Variants in NPAS3 observed in about 807,000 individuals in gnomAD.
The protein encoded by NPAS3 is neuronal PAS domain-containing protein 3.
NPAS3 carries 14 observed loss-of-function variants against 73.1 expected under a neutral mutation model. That is an observed-to-expected ratio of 0.19 (90% CI 0.13 to 0.30). The LOEUF is 0.30. NPAS3 is among the 10% of genes least tolerant of loss of function. The pLI is 1.00. For missense variants in NPAS3, 1,096 were observed against 1,250.0 expected, an observed-to-expected ratio of 0.88 and a Z score of 1.86; for synonymous variants, 620 against 541.5, an observed-to-expected ratio of 1.14 and a Z score of -2.01.
At chr14:33,688,589 C>A (rs559483537) in intron 6 of NPAS3, among the ~76,000 whole-genome samples, 1 of 152,062 alleles carries the variant, frequency 6.6e-6, no homozygotes. Flanking sequence ...GGTAAATCTC[C>A]CAAAGGTTTC....
At chr14:33,705,689 G>T (rs2060638884) in intron 6 of NPAS3, among the ~76,000 whole-genome samples, 1 of 152,164 alleles carries the variant, frequency 6.6e-6, no homozygotes, top group Non-Finnish European at 1.5e-5. Context: ...TTGTCAATAT[G>T]TATCCAGGCT....
intron 3 of NPAS3, among the ~76,000 whole-genome samples, chr14:33,274,019 C>T (rs544498460): frequency 1.3e-5 from 2 of 152,268 alleles, no homozygotes; most frequent in African/African-American, 4.8e-5. Context: ...AATCGGACAG[C>T]CCCCTTTCCC....
intron 3 of NPAS3, among the ~76,000 whole-genome samples, chr14:33,336,944 T>C (rs1379562087): frequency 2.0e-5 from 3 of 152,188 alleles, no homozygotes; most frequent in Non-Finnish European, 2.9e-5. Context: ...CTTTGTCTTA[T>C]TCAATTACCA....
chr14:33,454,600 A>G (rs1380230990), intron 4 of NPAS3, among the ~76,000 whole-genome samples: 1 of 152,210 alleles, frequency 6.6e-6, no homozygotes, highest in African/African-American at 2.4e-5. Flanking sequence ...TATATGACAG[A>G]TCATTTTTGT....
chr14:33,560,518 G>A (rs1162129280), intron 5 of NPAS3: 5 of 228,932 alleles, frequency 2.2e-5, no homozygotes, highest in Non-Finnish European at 2.6e-5. Context: ...CCCAGTAGGA[G>A]AGGGACACAC....
chr14:33,797,831 G>C (rs2063557903), intron 11 of NPAS3, among the ~76,000 whole-genome samples: 1 of 150,606 alleles, frequency 6.6e-6, no homozygotes, highest in Non-Finnish European at 1.5e-5. Flanking sequence ...TGTAGTGCTG[G>C]ATAAATACAT....
intron 4 of NPAS3, among the ~76,000 whole-genome samples, chr14:33,558,959 C>A (rs554430950): frequency 2.0e-5 from 3 of 151,484 alleles, no homozygotes; most frequent in Non-Finnish European, 4.4e-5. Context: ...AAAAGACATG[C>A]GGATGACAGA....
intron 1 of NPAS3, among the ~76,000 whole-genome samples, chr14:32,978,834 A>G (rs1316571796): frequency 6.6e-6 from 1 of 152,222 alleles, no homozygotes; most frequent in Non-Finnish European, 1.5e-5. Context: ...TGACAGTGTC[A>G]GATAATGACT....
chr14:33,010,576 G>T (rs570260549), intron 1 of NPAS3, among the ~76,000 whole-genome samples: 2 of 152,230 alleles, frequency 1.3e-5, no homozygotes, highest in East Asian at 3.9e-4. Flanking sequence ...GCATAAATAA[G>T]AATTAAGTTC....
At chr14:33,760,114 T>C (rs2062237540) in intron 7 of NPAS3, among the ~76,000 whole-genome samples, 1 of 152,148 alleles carries the variant, frequency 6.6e-6, no homozygotes, top group Admixed American at 6.5e-5. Flanking sequence ...CACCACCCCC[T>C]GGCCAAAAGC....
At chr14:33,543,991 A>ATC (rs1566988586) in intron 4 of NPAS3, among the ~76,000 whole-genome samples, 4 of 38,056 alleles carry the variant, frequency 1.1e-4, no homozygotes, top group African/African-American at 2.1e-4. Flanking sequence ...ATATATATAT[A>ATC]TATATATATA....
intron 5 of NPAS3, among the ~76,000 whole-genome samples, chr14:33,604,316 T>C (rs2057488685): frequency 6.7e-6 from 1 of 149,526 alleles, no homozygotes; most frequent in East Asian, 1.9e-4. Flanking sequence ...AAAGTAAATA[T>C]ATGAAAAAAA....
intron 3 of NPAS3, among the ~76,000 whole-genome samples, chr14:33,245,924 GT>G (rs5807708): frequency 0.77 from 112,616 of 146,314 alleles, 43,257 homozygotes; most frequent in South Asian, 0.87. Context: ...AGCAATAGGT[GT>G]TTTTTTTTTT....
intron 4 of NPAS3, among the ~76,000 whole-genome samples, chr14:33,450,050 C>G (rs540156215): frequency 1.3e-5 from 2 of 152,130 alleles, no homozygotes; most frequent in East Asian, 3.9e-4. Context: ...GAAACTTACT[C>G]GGCAGTATGT....
intron 1 of NPAS3, among the ~76,000 whole-genome samples, chr14:32,954,675 T>C (rs1896607735): frequency 6.6e-6 from 1 of 152,164 alleles, no homozygotes; most frequent in Non-Finnish European, 1.5e-5. Flanking sequence ...GCTGACCCTA[T>C]AGCTCTCCTC....
chr14:33,441,797 G>A (rs894386713), intron 4 of NPAS3, among the ~76,000 whole-genome samples: 4 of 152,160 alleles, frequency 2.6e-5, no homozygotes, highest in African/African-American at 9.7e-5. Flanking sequence ...AGAAGCAAAG[G>A]CACGTCTTAC....
chr14:33,789,879 G>A (rs1415704903), intron 9 of NPAS3, among the ~76,000 whole-genome samples: 3 of 152,180 alleles, frequency 2.0e-5, no homozygotes, highest in East Asian at 1.9e-4. Context: ...GTGAGCCACC[G>A]CGCCCGGCCT....
At chr14:32,941,710 G>C (rs747583833) in intron 1 of NPAS3, among the ~76,000 whole-genome samples, 2 of 152,062 alleles carry the variant, frequency 1.3e-5, no homozygotes, top group African/African-American at 4.8e-5. Context: ...TCATTTTAAA[G>C]GTTGGATCTG....
chr14:33,552,248 G>A (rs910032756), intron 4 of NPAS3, among the ~76,000 whole-genome samples: 2 of 152,194 alleles, frequency 1.3e-5, no homozygotes, highest in Non-Finnish European at 2.9e-5. Flanking sequence ...ATCGAGGTGT[G>A]AAACAACTAA....
Sources: gnomAD v4.1 joint callset for allele counts (sites outside exome capture counted in the v4.1 genomes callset) on GRCh38, gnomAD v4.1.1 for gene constraint, MANE v1.5 for transcripts, NCBI Gene and HGNC (gene_info 2026-07-23, HGNC 2026-07-21) for gene names.